KCTD16: variants seen among roughly 807,000 people sequenced by gnomAD.
The protein encoded by KCTD16 is potassium channel tetramerization domain containing 16, also known as BTB/POZ domain-containing protein KCTD16.
A neutral mutation model predicts 33.2 loss-of-function variants in KCTD16; 13 were observed. The ratio of observed to expected loss-of-function variants is 0.39; its 90% CI spans 0.25 to 0.62. The LOEUF (loss-of-function observed/expected upper bound fraction) is 0.62. KCTD16 is among the 20% of genes least tolerant of loss of function. The probability of loss-of-function intolerance (pLI) is 0.50; values close to 1 mark genes in which losing one functional copy is unlikely to be tolerated. For missense variants in KCTD16, 441 were observed against 525.1 expected, an observed-to-expected ratio of 0.84 and a Z score of 1.57; for synonymous variants, 197 against 195.3, an observed-to-expected ratio of 1.01 and a Z score of -0.07.
rs780109122 is a variant in KCTD16 at position 144,465,779 on chromosome 5, C to CTTTTT, written c.833-7879_833-7875dup. On this transcript the variant is annotated intron_variant, in intron 3 of 3. Transcript: ENST00000512467. Reference sequence around the variant, plus strand: ...TCTTGAACAATTGCTCCAAATTTAACTTTTTTGTTTTTTTTTTTTTTTGCC... The same window carrying CTTTTT: ...TCTTGAACAATTGCTCCAAATTTAACTTTTTTTTTTTGTTTTTTTTTTTTTTTGCC... 1.7e-3 allele frequency among the ~76,000 whole-genome samples: 223 copies of CTTTTT among 129,796 alleles called. 10 individuals carry two copies. Among genetic ancestry groups the CTTTTT allele is most frequent in the Middle Eastern group, 4.2e-3 (1 of 240 alleles). The allele number at this position is 129,796 out of a possible 152,430, so 85.2% of individuals were successfully genotyped here. A position where few individuals can be genotyped will look rare whatever the true frequency, so the allele number is the denominator to read the frequency against.
At chr5:144,447,137 G>A (rs1379337546) in intron 3 of KCTD16, among the ~76,000 whole-genome samples, 1 of 152,104 alleles carries the variant, frequency 6.6e-6, no homozygotes, top group Non-Finnish European at 1.5e-5. Flanking sequence ...GTTCACAATA[G>A]CAAAGACTTG....
intron 3 of KCTD16, among the ~76,000 whole-genome samples, chr5:144,335,970 C>A (rs1409601205): frequency 6.6e-6 from 1 of 152,040 alleles, no homozygotes; most frequent in Non-Finnish European, 1.5e-5. Context: ...GCTTCAGTAC[C>A]CCTGTTGGGC....
intron 3 of KCTD16, 83 bp downstream of exon 3, chr5:144,207,629 C>CATGTTCCTTAGG: frequency 1.0e-6 from 1 of 981,518 alleles, no homozygotes; most frequent in Non-Finnish European, 1.5e-6. Flanking sequence ...CTCTCCATAC[C>CATGTTCCTTAGG]TAAGGAACAT....
intron 3 of KCTD16, among the ~76,000 whole-genome samples, chr5:144,415,549 C>T (rs1348411416): frequency 6.6e-6 from 1 of 152,216 alleles, no homozygotes; most frequent in Admixed American, 6.5e-5. Context: ...ATCTCTATCA[C>T]TTGCAACATA....
intron 3 of KCTD16, among the ~76,000 whole-genome samples, chr5:144,342,026 T>A (rs1168782613): frequency 1.3e-5 from 2 of 152,224 alleles, no homozygotes; most frequent in Non-Finnish European, 2.9e-5. Flanking sequence ...GGGACTGTTT[T>A]ATTATGTTAA....
intron 3 of KCTD16, among the ~76,000 whole-genome samples, chr5:144,218,867 A>G (rs1753645167): frequency 6.6e-6 from 1 of 152,240 alleles, no homozygotes; most frequent in African/African-American, 2.4e-5. Flanking sequence ...CACATTTTAA[A>G]GCAAGGAAAC....
intron 3 of KCTD16, among the ~76,000 whole-genome samples, chr5:144,208,869 G>T (rs1220005438): frequency 6.6e-6 from 1 of 152,158 alleles, no homozygotes; most frequent in East Asian, 1.9e-4. Flanking sequence ...AACATCATTT[G>T]GTTCATTAAT....
chr5:144,211,168 A>G (rs1346179350), intron 3 of KCTD16, among the ~76,000 whole-genome samples: 2 of 151,988 alleles, frequency 1.3e-5, no homozygotes, highest in African/African-American at 4.8e-5. Flanking sequence ...TCAAGAAATT[A>G]TCTTCCATTT....
chr5:144,206,217 G>C (rs1322540900), intron 2 of KCTD16, among the ~76,000 whole-genome samples, 172 bp from the exon 3 acceptor site: 1 of 152,170 alleles, frequency 6.6e-6, no homozygotes, highest in East Asian at 1.9e-4. Context: ...CATGAGAGAA[G>C]CTATGATTTA....
In KCTD16 at chr5:144,476,791, G is replaced by A. The variant is rs1234050322; in HGVS notation, c.*2677G>A. On this transcript the variant is annotated 3_prime_UTR_variant, in exon 4 of 4. Transcript: ENST00000512467. The stretch of plus-strand genomic sequence containing the variant: ...AGTTCTGGGTAAGTGAGTTATAAGA[G>A]TACATGCTCTAGTAACTCTGGTAGT... The A allele has an allele frequency of 6.6e-6, 1 of 152,156 alleles. No homozygotes were observed. Among genetic ancestry groups the A allele is most frequent in the South Asian group, 2.1e-4 (1 of 4,836 alleles). 9.4% of individuals were successfully genotyped at this position (152,156 alleles called of 1,614,324 possible).
In KCTD16 at chr5:144,411,998, G is replaced by T. The variant is rs116834859; in HGVS notation, c.833-61662G>T. ...AGTATCATCTCAACCCAGTTCAAAT[G>T]GTTTTTATCAAAAAGACAGGGAGTA... is the stretch of plus-strand genomic sequence containing the variant. On this transcript the variant is annotated intron_variant, in intron 3 of 3. Coordinates refer to ENST00000512467, the MANE Select transcript of KCTD16 (RefSeq NM_020768.4). Among the ~76,000 whole-genome samples the T allele has an allele frequency of 5.2e-3, 794 of 152,246 alleles. 7 individuals carry two copies. The highest frequency in any genetic ancestry group is 0.018 in the African/African-American group (761 of 41,552).
chr5:144,445,545 A>C (rs1026099406), intron 3 of KCTD16, among the ~76,000 whole-genome samples: 2 of 152,054 alleles, frequency 1.3e-5, no homozygotes, highest in Non-Finnish European at 2.9e-5. Flanking sequence ...ATAGAATTTG[A>C]ACTTAACAGT....
At chr5:144,294,701 G>T (rs1443838746) in intron 3 of KCTD16, among the ~76,000 whole-genome samples, 3 of 152,162 alleles carry the variant, frequency 2.0e-5, no homozygotes, top group African/African-American at 7.2e-5. Flanking sequence ...GCATGGGACA[G>T]AATTGAGTGG....
chr5:144,177,761 T>G (rs1313722354), intron 2 of KCTD16, among the ~76,000 whole-genome samples: 1 of 152,200 alleles, frequency 6.6e-6, no homozygotes, highest in Non-Finnish European at 1.5e-5. Flanking sequence ...TCAAATAAGG[T>G]CACATTCTGA....
chr5:144,266,390 A>C (rs375976129), intron 3 of KCTD16, among the ~76,000 whole-genome samples: 94 of 152,282 alleles, frequency 6.2e-4, no homozygotes, highest in African/African-American at 2.0e-3. Context: ...AGAGCCTAGA[A>C]TATTTGAAGA....
At chr5:144,200,784 C>G (rs1753029510) in intron 2 of KCTD16, among the ~76,000 whole-genome samples, 2 of 152,186 alleles carry the variant, frequency 1.3e-5, no homozygotes, top group African/African-American at 4.8e-5. Flanking sequence ...GTTGCCCAGG[C>G]TGGTGTGCAG....
intron 2 of KCTD16, among the ~76,000 whole-genome samples, chr5:144,203,468 A>G (rs1423871726): frequency 6.6e-6 from 1 of 152,192 alleles, no homozygotes; most frequent in Non-Finnish European, 1.5e-5. Flanking sequence ...TCTAAAGCCC[A>G]TCCTGTTACT....
chr5:144,300,675 C>T (rs2126870202), intron 3 of KCTD16, among the ~76,000 whole-genome samples: 2 of 152,266 alleles, frequency 1.3e-5, no homozygotes, highest in South Asian at 4.1e-4. Flanking sequence ...AGACATAACA[C>T]TCTATTGAAG....
chr5:144,303,489 C>T (rs1021297761), intron 3 of KCTD16, among the ~76,000 whole-genome samples: 2 of 152,096 alleles, frequency 1.3e-5, no homozygotes, highest in Non-Finnish European at 2.9e-5. Flanking sequence ...TTTTGTGTGG[C>T]AAGAGCAATG....
Sources: gnomAD v4.1 joint callset for allele counts (sites outside exome capture counted in the v4.1 genomes callset) on GRCh38, gnomAD v4.1.1 for gene constraint, MANE v1.5 for transcripts, NCBI Gene and HGNC (gene_info 2026-07-23, HGNC 2026-07-21) for gene names.